GLB1: variants seen among roughly 807,000 people sequenced by gnomAD.
The protein encoded by GLB1 is beta-galactosidase.
A neutral mutation model predicts 74.0 loss-of-function variants in GLB1; 56 were observed. That is an observed-to-expected ratio of 0.76 (90% CI 0.61 to 0.94). The LOEUF is 0.94. GLB1 is among the 40% of genes least tolerant of loss of function. The pLI, the probability that GLB1 is intolerant of heterozygous loss-of-function variation, is 0.00. For synonymous variants in GLB1, 323 were observed against 323.6 expected (o/e 1.00, Z 0.02); for missense variants, 787 against 845.5 (o/e 0.93, Z 0.86).
At chr3:33,094,031 G>A (rs750694203) in intron 1 of GLB1, 4 of 1,614,256 alleles carry the variant, frequency 2.5e-6, no homozygotes, top group Non-Finnish European at 3.4e-6. Context: ...CAATGAGCAA[G>A]AGCGAGTTGA....
chr3:32,983,850 T>G, the GLB1 span, among the ~76,000 whole-genome samples: 5 of 149,548 alleles, frequency 3.3e-5, no homozygotes, highest in African/African-American at 1.2e-4. Flanking sequence ...CAGCTAATTT[T>G]TAAATTTTTT....
chr3:32,980,708 G>C, the GLB1 span, among the ~76,000 whole-genome samples: 1 of 152,120 alleles, frequency 6.6e-6, no homozygotes, highest in Admixed American at 6.5e-5. Flanking sequence ...TTGAACCCAG[G>C]AGGTGGAGGT....
the GLB1 span, among the ~76,000 whole-genome samples, chr3:32,972,251 C>A: frequency 1.3e-5 from 2 of 152,158 alleles, no homozygotes; most frequent in African/African-American, 4.8e-5. Flanking sequence ...GCAATCCAAG[C>A]AACACAAATG....
At chr3:32,982,314 CA>C in the GLB1 span, among the ~76,000 whole-genome samples, 526 of 75,900 alleles carry the variant, frequency 6.9e-3, 6 homozygotes, top group East Asian at 0.062. Flanking sequence ...ACTCCGTCTC[CA>C]AAAAAAAAAA....
At chr3:32,993,522 ATTTTTTTTTT>A (rs746774682), downstream of GLB1, among the ~76,000 whole-genome samples, 42 of 62,290 alleles carry the variant, frequency 6.7e-4, no homozygotes, top group South Asian at 1.8e-3. Flanking sequence ...CATCCAGCTA[ATTTTTTTTTT>A]TTTTTTTTTT....
chr3:33,068,218 G>C lies in GLB1; in HGVS notation c.457+12C>G, dbSNP rs751691878. The C allele has an allele frequency of 1.2e-6, 2 of 1,614,044 alleles. No homozygotes were observed. Among genetic ancestry groups the C allele is most frequent in the South Asian group, 1.1e-5 (1 of 91,082 alleles). ...TTTTATAAATCTTCTCAAGACATCT[G>C]TAACAACCTACCTGGGTCGGAGGAG... On this transcript the variant is annotated intron_variant, in intron 4 of 15. Transcript: ENST00000307363.
At chr3:33,030,362 A>G (rs1697954233) in intron 10 of GLB1, among the ~76,000 whole-genome samples, 1 of 152,242 alleles carries the variant, frequency 6.6e-6, no homozygotes, top group South Asian at 2.1e-4. Flanking sequence ...GAGGGACTAG[A>G]AAAGCCAACT....
At chr3:33,011,570 G>A (rs1219755882) in intron 15 of GLB1, among the ~76,000 whole-genome samples, 4 of 149,888 alleles carry the variant, frequency 2.7e-5, no homozygotes, top group South Asian at 2.1e-4. Flanking sequence ...GCTTGAGCCC[G>A]GGAGGCAGAG....
chr3:33,021,292 C>T, intron 12 of GLB1: 1 of 492,048 alleles, frequency 2.0e-6, no homozygotes, highest in Non-Finnish European at 3.7e-6. Context: ...GGTCAGTGAA[C>T]TCAATTTATA....
At position 33,053,519 on chromosome 3, in the gene GLB1, T is replaced by C; in HGVS notation, c.764A>G (p.Gln255Arg). 6.2e-7 allele frequency: 1 copy of C among 1,614,196 alleles called. No individual in the cohort carries two copies. The highest frequency in any genetic ancestry group is 8.5e-7 in the Non-Finnish European group (1 of 1,180,028). ...GGGTCCTTTGGGCTCACACTTCCTCTGGCTTAGGAAAGCATCTGTGATGTT... is the reference window on the plus strand; with the variant it reads ...GGGTCCTTTGGGCTCACACTTCCTCCGGCTTAGGAAAGCATCTGTGATGTT... ...GSNITDAFLS[Q>R]RKCEPKGPLI... Residue 255 changes from glutamine to arginine, a missense_variant, in exon 7 of 16, where the codon CAG (glutamine) becomes CGG (arginine). Transcript: ENST00000307363.
rs1303774639 is a variant in GLB1, at chr3:33,065,498, G to C, written c.517C>G (p.Leu173Val). Residue 173 changes from leucine (L) to valine (V), a missense_variant, in exon 5 of 16, where the codon CTC becomes GTC. Transcript: ENST00000307363. ...GVLLPKMKPL[L>V]YQNGGPVITV... Reference sequence around the variant, plus strand: ...ATAACTGGCCCTCCATTCTGATAGAGGAGAGGCTTCATCTTGGGCAGAAGG... The same window carrying C: ...ATAACTGGCCCTCCATTCTGATAGACGAGAGGCTTCATCTTGGGCAGAAGG... 11 of 1,586,764 alleles carry C rather than the reference G, an allele frequency of 6.9e-6. No individual in the cohort carries two copies. Among genetic ancestry groups the C allele is most frequent in the Non-Finnish European group, 8.6e-6 (10 of 1,163,142 alleles).
At position 33,026,502 on chromosome 3, in the gene GLB1, AG is replaced by A. The variant is rs147631181; in HGVS notation, c.1069-2178del. 9.9e-3 allele frequency among the ~76,000 whole-genome samples: 1,507 copies of A among 152,238 alleles called. 34 individuals are homozygous for A. Among genetic ancestry groups the A allele is most frequent in the African/African-American group, 0.034 (1,424 of 41,538 alleles). On this transcript the variant is annotated intron_variant, in intron 10 of 15. Coordinates refer to ENST00000307363, the MANE Select transcript of GLB1 (RefSeq NM_000404.4). ...GAAGGTAGACAGGCTCCTGGGTGGAAGGGGGCGAGTCCCTGGTGAAGCCCCA... is the reference window on the plus strand; with the variant it reads ...GAAGGTAGACAGGCTCCTGGGTGGAAGGGGCGAGTCCCTGGTGAAGCCCCA...
At chr3:33,069,776 C>A (rs1390946535) in intron 2 of GLB1, among the ~76,000 whole-genome samples, 2 of 152,178 alleles carry the variant, frequency 1.3e-5, no homozygotes, top group African/African-American at 4.8e-5. Context: ...TTAGCTTTAC[C>A]ATCTAGCTAG....
chr3:33,058,361 G>C, intron 5 of GLB1, 92 bp from the exon 6 acceptor site: 2 of 1,557,570 alleles, frequency 1.3e-6, no homozygotes, highest in South Asian at 1.2e-5. Flanking sequence ...CTGAGCATCT[G>C]CTAAGATGAC....
At chr3:33,028,169 G>T (rs940042166) in intron 10 of GLB1, among the ~76,000 whole-genome samples, 1 of 152,184 alleles carries the variant, frequency 6.6e-6, no homozygotes, top group Non-Finnish European at 1.5e-5. Flanking sequence ...CTACCAAAGT[G>T]CTGGAATTAC....
chr3:33,065,968 CAA>C (rs35555652), intron 4 of GLB1, among the ~76,000 whole-genome samples: 3,606 of 123,796 alleles, frequency 0.029, 96 homozygotes, highest in East Asian at 0.081. Context: ...AACTCTGTCT[CAA>C]AAAAAAAAAA....
rs55785242 is a variant in GLB1 at position 33,059,244 on chromosome 3, TACACACACACACACACACAC to T, written c.553-995_553-976del. ...AATTATTCCTTATTTATATAAAACA[TACACACACACACACACACAC>T]ACACACACACACACACACACACACA... On this transcript the variant is annotated intron_variant, in intron 5 of 15. Transcript: ENST00000307363. Among the ~76,000 whole-genome samples the T allele has an allele frequency of 3.6e-4, 52 of 144,458 alleles. 1 individual carries two copies. In the East Asian group the frequency reaches 4.5e-3, roughly 13 times the overall value. 94.8% of individuals were successfully genotyped at this position (144,458 alleles called of 152,430 possible). A position where few individuals can be genotyped will look rare whatever the true frequency, so the allele number is the denominator to read the frequency against.
rs142948137 is a variant in GLB1, at chr3:33,030,810, C to G, written c.1069-6485G>C. 1.3e-5 allele frequency: 13 copies of G among 985,386 alleles called. No homozygotes were observed. The African/African-American group carries it at 2.3e-4, about 17-fold the overall frequency. 61.0% of individuals were successfully genotyped at this position (985,386 alleles called of 1,614,324 possible). ...AGCGGAACTCTTACGTTGATGGAAT[C>G]CCTATAAAGAACAGAAACAAAACTC... On this transcript the variant is annotated intron_variant, in intron 10 of 15. Coordinates refer to ENST00000307363, the MANE Select transcript of GLB1 (RefSeq NM_000404.4).
At chr3:33,016,643 T>A in intron 14 of GLB1, 66 bp downstream of exon 14, 3 of 1,605,532 alleles carry the variant, frequency 1.9e-6, no homozygotes, top group Non-Finnish European at 1.7e-6. Flanking sequence ...TGAGCCACTG[T>A]ACTGGGCTTC....
Sources: gnomAD v4.1 joint callset for allele counts (sites outside exome capture counted in the v4.1 genomes callset) on GRCh38, gnomAD v4.1.1 for gene constraint, MANE v1.5 for transcripts, NCBI Gene and HGNC (gene_info 2026-07-23, HGNC 2026-07-21) for gene names.